ZNF521: variants seen among roughly 807,000 people sequenced by gnomAD.
ZNF521 encodes LYST-interacting protein 3.
In ZNF521, 14 loss-of-function variants were observed where a neutral mutation model predicts 105.5. The ratio of observed to expected loss-of-function variants is 0.13; its 90% CI spans 0.09 to 0.21. ZNF521 has a LOEUF of 0.21. ZNF521 is among the 10% of genes least tolerant of loss of function. The pLI is 1.00. For synonymous variants in ZNF521, 635 were observed against 606.0 expected (o/e 1.05, Z -0.70); for missense variants, 1,233 against 1,629.7 (o/e 0.76, Z 4.19).
chr18:25,253,958 G>C (rs1908295508), intron 3 of ZNF521, among the ~76,000 whole-genome samples: 1 of 152,090 alleles, frequency 6.6e-6, no homozygotes. Context: ...CAGTTACTCT[G>C]ACTATGCAGT....
intron 5 of ZNF521, among the ~76,000 whole-genome samples, chr18:25,167,350 G>A (rs1402836536): frequency 6.6e-6 from 1 of 152,158 alleles, no homozygotes; most frequent in Non-Finnish European, 1.5e-5. Flanking sequence ...GTAATAGGCT[G>A]AATTTTTAAA....
At chr18:25,069,559 A>G (rs1317612987) in intron 7 of ZNF521, among the ~76,000 whole-genome samples, 1 of 152,184 alleles carries the variant, frequency 6.6e-6, no homozygotes. Context: ...CCACAACTAT[A>G]TAATTCCTGG....
intron 3 of ZNF521, among the ~76,000 whole-genome samples, chr18:25,249,076 T>G (rs1241854454): frequency 6.6e-6 from 1 of 152,180 alleles, no homozygotes; most frequent in Non-Finnish European, 1.5e-5. Flanking sequence ...ATTACAGCAT[T>G]GTCTTATATA....
intron 7 of ZNF521, among the ~76,000 whole-genome samples, chr18:25,066,284 T>C (rs1265693833): frequency 6.6e-6 from 1 of 152,146 alleles, no homozygotes. Context: ...TATACTTGTG[T>C]TGGAAACAAC....
At chr18:25,106,402 G>A (rs2034074577) in intron 5 of ZNF521, among the ~76,000 whole-genome samples, 1 of 152,002 alleles carries the variant, frequency 6.6e-6, no homozygotes, top group Non-Finnish European at 1.5e-5. Context: ...CCCCAGAAAT[G>A]TAAATAAAAA....
intron 4 of ZNF521, among the ~76,000 whole-genome samples, chr18:25,220,451 G>A (rs1217170165): frequency 6.6e-6 from 1 of 152,070 alleles, no homozygotes; most frequent in African/African-American, 2.4e-5. Context: ...AAAGTGCCAC[G>A]GGATTGTGGA....
intron 5 of ZNF521, among the ~76,000 whole-genome samples, chr18:25,112,147 T>C (rs1197308456): frequency 1.3e-5 from 2 of 152,214 alleles, no homozygotes; most frequent in African/African-American, 4.8e-5. Flanking sequence ...ATGTTCTTTG[T>C]ATGGAGTTAA....
chr18:25,331,480 AT>A (rs1263787851), intron 2 of ZNF521, among the ~76,000 whole-genome samples: 1 of 152,206 alleles, frequency 6.6e-6, no homozygotes, highest in East Asian at 1.9e-4. Flanking sequence ...ACATTTGGAC[AT>A]TTGCGAAAGA....
intron 5 of ZNF521, among the ~76,000 whole-genome samples, chr18:25,120,612 A>AACC (rs1229516642): frequency 1.4e-4 from 20 of 145,678 alleles, no homozygotes; most frequent in East Asian, 8.1e-4. Flanking sequence ...ACCACAAACA[A>AACC]ACAAACAAAC....
chr18:25,296,799 T>G (rs1250202558), intron 3 of ZNF521, among the ~76,000 whole-genome samples: 1 of 152,168 alleles, frequency 6.6e-6, no homozygotes, highest in Non-Finnish European at 1.5e-5. Context: ...TTCTCTAGGA[T>G]GTATCTCTCT....
rs558843481 is a variant in ZNF521, at chr18:25,340,640, T to C, written c.40+10267A>G. ...ATTTCTCAACATAAGAATTCTAGGA[T>C]GTTGGAGCTACAAGGGAACTCAGAA... On this transcript the variant is annotated intron_variant, in intron 2 of 7. Transcript: ENST00000361524. 8.5e-5 allele frequency among the ~76,000 whole-genome samples: 13 copies of C among 152,306 alleles called. No homozygotes were observed. In the South Asian group the frequency reaches 1.0e-3, roughly 12 times the overall value.
At chr18:25,068,375 C>A (rs1043010094) in intron 7 of ZNF521, among the ~76,000 whole-genome samples, 2 of 152,188 alleles carry the variant, frequency 1.3e-5, no homozygotes, top group African/African-American at 4.8e-5. Context: ...TCCATAAACA[C>A]TGAGGATAAT....
intron 5 of ZNF521, among the ~76,000 whole-genome samples, chr18:25,182,779 T>C (rs371299425): frequency 1.2e-4 from 18 of 152,274 alleles, no homozygotes; most frequent in African/African-American, 4.3e-4. Context: ...GGATGAAAAT[T>C]AGAGTCTAGC....
intron 4 of ZNF521, among the ~76,000 whole-genome samples, chr18:25,210,472 A>C (rs899009453): frequency 9.9e-5 from 15 of 152,186 alleles, no homozygotes; most frequent in African/African-American, 3.6e-4. Flanking sequence ...TAATTCAATA[A>C]AATAAATTAT....
chr18:25,281,491 T>C (rs566382099), intron 3 of ZNF521, among the ~76,000 whole-genome samples: 17 of 152,286 alleles, frequency 1.1e-4, no homozygotes, highest in Admixed American at 9.2e-4. Flanking sequence ...TGGAAAACAG[T>C]AAAAGTTTAA....
chr18:25,068,340 T>C (rs1443608416), intron 7 of ZNF521, among the ~76,000 whole-genome samples: 4 of 152,202 alleles, frequency 2.6e-5, no homozygotes. Flanking sequence ...TTACCCTTCC[T>C]TTTATCACTT....
rs1208763886 is a variant in ZNF521, at chr18:25,340,569, G to A, written c.40+10338C>T. Among the ~76,000 whole-genome samples, 3 of 152,136 alleles carry A rather than the reference G, an allele frequency of 2.0e-5. No homozygotes were observed. In the South Asian group the frequency reaches 6.2e-4, roughly 32 times the overall value. ...AGTCAAGTTCACAATTTGAAAGTAT[G>A]TTTGCCCCATTAATATGAATTATTG... is the stretch of plus-strand genomic sequence containing the variant. On this transcript the variant is annotated intron_variant, in intron 2 of 7. Coordinates refer to ENST00000361524, the MANE Select transcript of ZNF521 (RefSeq NM_015461.3).
chr18:25,346,194 GTCA>G (rs887403795), intron 2 of ZNF521, among the ~76,000 whole-genome samples: 1 of 150,906 alleles, frequency 6.6e-6, no homozygotes, highest in Non-Finnish European at 1.5e-5. Context: ...TTCTAATTAT[GTCA>G]TCATTTCCAA....
At chr18:25,243,749 CTAAG>C (rs1264762501) in intron 3 of ZNF521, among the ~76,000 whole-genome samples, 16 of 152,140 alleles carry the variant, frequency 1.1e-4, no homozygotes, top group Non-Finnish European at 2.1e-4. Context: ...CAAGTGGGCA[CTAAG>C]TGTCTTGTTT....
Sources: allele counts gnomAD v4.1 joint callset (sites outside exome capture counted in the v4.1 genomes callset), GRCh38; gene constraint gnomAD v4.1.1; transcripts MANE v1.5; gene names NCBI Gene and HGNC (gene_info 2026-07-23, HGNC 2026-07-21).